The following LRMDA variants were observed in gnomAD, a reference collection of about 807,000 sequenced individuals.
LRMDA encodes leucine rich melanocyte differentiation associated.
In LRMDA, 18 loss-of-function variants were observed where a neutral mutation model predicts 29.8. The ratio of observed to expected loss-of-function variants is 0.60; its 90% CI spans 0.42 to 0.90. The LOEUF is 0.90. LRMDA is among the 40% of genes least tolerant of loss of function. LRMDA has a pLI of 0.00. For synonymous variants in LRMDA, 125 were observed against 109.4 expected (o/e 1.14, Z -0.89); for missense variants, 273 against 273.9 (o/e 1.00, Z 0.02).
At chr10:76,502,870 G>T (rs1161190733) in intron 6 of LRMDA, among the ~76,000 whole-genome samples, 1 of 151,180 alleles carries the variant, frequency 6.6e-6, no homozygotes, top group African/African-American at 2.4e-5. Flanking sequence ...TTGCCTATTT[G>T]GATGCCTTTT....
At chr10:75,494,915 G>A (rs1381033588) in intron 2 of LRMDA, among the ~76,000 whole-genome samples, 3 of 152,178 alleles carry the variant, frequency 2.0e-5, no homozygotes. Flanking sequence ...AACTAATCAT[G>A]GTCCAGGATG....
intron 2 of LRMDA, among the ~76,000 whole-genome samples, chr10:76,020,941 G>T (rs1312430874): frequency 1.3e-5 from 2 of 152,176 alleles, no homozygotes; most frequent in Non-Finnish European, 2.9e-5. Context: ...CTCTTTAGAA[G>T]TGATGTTTTT....
chr10:76,278,758 A>G (rs1258475325), intron 5 of LRMDA, among the ~76,000 whole-genome samples: 1 of 152,210 alleles, frequency 6.6e-6, no homozygotes, highest in African/African-American at 2.4e-5. Flanking sequence ...TCCTCCTGAA[A>G]TACAGTAGTG....
chr10:76,192,279 G>T (rs950200257), intron 5 of LRMDA, among the ~76,000 whole-genome samples: 1 of 152,144 alleles, frequency 6.6e-6, no homozygotes, highest in Admixed American at 6.6e-5. Context: ...CAGAGCTTGG[G>T]ACTCTTCATT....
At chr10:76,130,522 T>C (rs1230395952) in intron 5 of LRMDA, among the ~76,000 whole-genome samples, 1 of 152,244 alleles carries the variant, frequency 6.6e-6, no homozygotes, top group Non-Finnish European at 1.5e-5. Flanking sequence ...GGTCAGAAGC[T>C]GTTGTTCTGT....
chr10:75,821,265 A>G (rs150784221), intron 2 of LRMDA, among the ~76,000 whole-genome samples: 21 of 152,326 alleles, frequency 1.4e-4, no homozygotes, highest in African/African-American at 2.4e-4. Context: ...AAAATCCTCA[A>G]CAGAACACTA....
intron 2 of LRMDA, among the ~76,000 whole-genome samples, chr10:75,935,501 C>T (rs965348275): frequency 3.3e-5 from 5 of 152,226 alleles, no homozygotes; most frequent in South Asian, 2.1e-4. Context: ...CATTGATTTA[C>T]GTTTGGGAAT....
At chr10:75,847,867 C>T (rs1038926643) in intron 2 of LRMDA, among the ~76,000 whole-genome samples, 3 of 152,140 alleles carry the variant, frequency 2.0e-5, no homozygotes, top group Non-Finnish European at 2.9e-5. Flanking sequence ...TGAGCTATCA[C>T]CTTATACCCA....
chr10:75,723,418 A>G (rs993026161), intron 2 of LRMDA, among the ~76,000 whole-genome samples: 29 of 152,374 alleles, frequency 1.9e-4, no homozygotes, highest in Middle Eastern at 3.4e-3. Context: ...TTAGATCACT[A>G]TGACGTTGAA....
chr10:75,463,195 T>C (rs1844608243), intron 2 of LRMDA, among the ~76,000 whole-genome samples: 1 of 152,180 alleles, frequency 6.6e-6, no homozygotes, highest in African/African-American at 2.4e-5. Flanking sequence ...TGGGCATGTC[T>C]TGAGTATGGG....
intron 6 of LRMDA, among the ~76,000 whole-genome samples, chr10:76,325,509 T>C (rs907908691): frequency 6.6e-6 from 1 of 152,168 alleles, no homozygotes. Flanking sequence ...CATGAACAGG[T>C]CTCTTTCACT....
intron 1 of LRMDA, 29 bp downstream of exon 1, chr10:75,431,783 C>A: frequency 1.5e-6 from 2 of 1,346,778 alleles, no homozygotes; most frequent in Non-Finnish European, 9.6e-7. Context: ...CGCCTCCGCC[C>A]GGGGCGCAGT....
intron 2 of LRMDA, among the ~76,000 whole-genome samples, chr10:75,582,594 G>A (rs533896393): frequency 6.6e-5 from 10 of 152,302 alleles, no homozygotes; most frequent in African/African-American, 1.9e-4. Context: ...GTGATGGAAG[G>A]GGCTGCCACA....
intron 5 of LRMDA, among the ~76,000 whole-genome samples, chr10:76,079,568 A>G (rs1199961219): frequency 6.6e-6 from 1 of 152,230 alleles, no homozygotes; most frequent in African/African-American, 2.4e-5. Context: ...GCCCCACATT[A>G]GATGGATACC....
intron 2 of LRMDA, among the ~76,000 whole-genome samples, chr10:75,708,174 C>T (rs1842392067): frequency 2.0e-5 from 3 of 152,152 alleles, no homozygotes; most frequent in Admixed American, 1.3e-4. Context: ...GGTACAGCTT[C>T]GAGAGCCCTT....
intron 2 of LRMDA, among the ~76,000 whole-genome samples, chr10:75,982,923 G>A (rs566860219): frequency 1.3e-5 from 2 of 152,258 alleles, no homozygotes; most frequent in South Asian, 4.1e-4. Flanking sequence ...GCCTCGCAAG[G>A]AGCACATTCA....
chr10:75,763,324 G>T (rs1209196436), intron 2 of LRMDA, among the ~76,000 whole-genome samples: 1 of 151,964 alleles, frequency 6.6e-6, no homozygotes, highest in Admixed American at 6.5e-5. Context: ...TAGAACTACA[G>T]GTATAATAAG....
chr10:75,471,310 T>C (rs1767433389), intron 2 of LRMDA, among the ~76,000 whole-genome samples: 1 of 152,112 alleles, frequency 6.6e-6, no homozygotes, highest in Non-Finnish European at 1.5e-5. Context: ...TACCTTTTTT[T>C]TTTTCTGTTG....
At chr10:75,518,664 T>C (rs1845322732) in intron 2 of LRMDA, among the ~76,000 whole-genome samples, 1 of 152,198 alleles carries the variant, frequency 6.6e-6, no homozygotes, top group Non-Finnish European at 1.5e-5. Context: ...CTTAGATTTA[T>C]TGATTTTTTT....
Sources: gnomAD v4.1 joint callset for allele counts (sites outside exome capture counted in the v4.1 genomes callset) on GRCh38, gnomAD v4.1.1 for gene constraint, MANE v1.5 for transcripts, NCBI Gene and HGNC (gene_info 2026-07-23, HGNC 2026-07-21) for gene names.